KATNIP: variants seen among roughly 807,000 people sequenced by gnomAD.
The protein encoded by KATNIP is katanin-interacting protein.
KATNIP carries 126 observed loss-of-function variants against 174.0 expected under a neutral mutation model. The ratio of observed to expected loss-of-function variants is 0.72; its 90% confidence interval spans 0.63 to 0.84. KATNIP has a LOEUF of 0.84. Ranked by LOEUF, KATNIP falls within the 40% of genes least tolerant of loss-of-function variation. The pLI, the probability that KATNIP is intolerant of heterozygous loss-of-function variation, is 0.00. For missense variants in KATNIP, 1,958 were observed against 2,109.7 expected, an observed-to-expected ratio of 0.93 and a Z score of 1.41; for synonymous variants, 810 against 835.7, an observed-to-expected ratio of 0.97 and a Z score of 0.53.
Position 27,593,912 on chromosome 16 carries a change from C to T in KATNIP, c.63+19956C>T, listed in dbSNP as rs555983974. On this transcript the variant is annotated intron_variant, in intron 2 of 27. Coordinates refer to ENST00000261588, the MANE Select transcript of KATNIP (RefSeq NM_015202.5). ...GCCTATGGTTAGTGGTGGGGTCACA[C>T]TGTCCCAATATGGCATCCAGGAATC... Among the ~76,000 whole-genome samples the T allele has an allele frequency of 5.3e-5, 8 of 152,262 alleles. No homozygotes were observed. In the South Asian group the frequency reaches 1.7e-3, roughly 32 times the overall value.
chr16:27,653,603 T>C (rs148267002), intron 6 of KATNIP, among the ~76,000 whole-genome samples: 2 of 152,132 alleles, frequency 1.3e-5, no homozygotes, highest in African/African-American at 4.8e-5. Context: ...ACATTTTTAA[T>C]GGTTATTTTC....
At chr16:27,721,491 C>T (rs2080240047) in intron 13 of KATNIP, 67 bp from the exon 14 acceptor site, 1 of 1,595,174 alleles carries the variant, frequency 6.3e-7, no homozygotes, top group African/African-American at 1.3e-5. Context: ...CAAAGAGCCG[C>T]TGCCATTTTA....
chr16:27,678,442 T>C (rs529356833), intron 7 of KATNIP, among the ~76,000 whole-genome samples: 2 of 152,198 alleles, frequency 1.3e-5, no homozygotes, highest in Non-Finnish European at 2.9e-5. Flanking sequence ...CCTTCTGGCC[T>C]CTTCCCTCTG....
At chr16:27,758,215 A>G (rs1412934553) in intron 18 of KATNIP, among the ~76,000 whole-genome samples, 1 of 152,150 alleles carries the variant, frequency 6.6e-6, no homozygotes, top group Admixed American at 6.5e-5. Context: ...ACTGATCTCC[A>G]TCATCCAAAT....
chr16:27,699,511 A>C, intron 9 of KATNIP, 23 bp from the exon 10 acceptor site: 2 of 1,613,874 alleles, frequency 1.2e-6, no homozygotes, highest in Non-Finnish European at 1.7e-6. Flanking sequence ...CCAACATCAC[A>C]TCATGTGATC....
chr16:27,721,574 C>A lies in KATNIP; in HGVS notation c.1622C>A (p.Ser541Tyr), dbSNP rs2080244754. The change falls in exon 14 of 28, where the codon TCC becomes TAC. Residue 541 changes from serine (S) to tyrosine (Y), a missense_variant. By Grantham distance (144) the Ser-to-Tyr change is moderately radical (BLOSUM62 -2). This residue lies in a region of KATNIP where 1,557 missense variants were observed against 1,617.8 expected (regional missense o/e 0.96). Coordinates refer to ENST00000261588, the MANE Select transcript of KATNIP (RefSeq NM_015202.5). Reference sequence around the variant, plus strand: ...GCCTTCTAGGGCAAGAAAGACTCCTCCCCGTGGACCTGCCCCTTCCACCCA... The same window carrying A: ...GCCTTCTAGGGCAAGAAAGACTCCTACCCGTGGACCTGCCCCTTCCACCCA... ...NRNLAGKKDS[S>Y]PWTCPFHPPL... 6.2e-7 allele frequency: 1 copy of A among 1,614,018 alleles called. No homozygotes were observed. Among genetic ancestry groups the A allele is most frequent in the African/African-American group, 1.3e-5 (1 of 74,926 alleles).
In KATNIP at chr16:27,750,251, C is replaced by T. The variant is rs149188310; in HGVS notation, c.3291C>T (p.Asp1097=). ...RGVKDITMLL[D]TQCIFEGEIA... ...TGAAGGACATCACAATGCTGTTAGA[C>T]ACCCAGTGCATCTTTGAAGGAGAAA... The change falls in exon 16 of 28, where the codon GAC becomes GAT. Residue 1097 remains aspartate, a synonymous_variant. Transcript: ENST00000261588. 2 of 1,613,940 alleles carry T rather than the reference C, an allele frequency of 1.2e-6. No individual in the cohort carries two copies. The highest frequency in any genetic ancestry group is 1.7e-6 in the Non-Finnish European group (2 of 1,179,970).
intron 7 of KATNIP, 66 bp from the exon 8 acceptor site, chr16:27,681,333 T>C (rs1370778178): frequency 2.5e-6 from 4 of 1,588,388 alleles, no homozygotes; most frequent in Admixed American, 3.3e-5. Context: ...GATGAACAAA[T>C]GCCTGAACAG....
chr16:27,754,033 C>T (rs2081617328), intron 17 of KATNIP, 140 bp from the exon 18 acceptor site: 4 of 710,924 alleles, frequency 5.6e-6, no homozygotes, highest in Non-Finnish European at 7.4e-6. Context: ...TCCACAAAGG[C>T]AGAAAAATCC....
In KATNIP at chr16:27,721,239, C is replaced by T. The variant is rs377382766; in HGVS notation, c.1606-319C>T. Reference sequence around the variant, plus strand: ...CTCTAGCGTCTTTCCCCTCCCCCAGCGCTCTCCTCAAAGCCGATTAAGTTG... The same window carrying T: ...CTCTAGCGTCTTTCCCCTCCCCCAGTGCTCTCCTCAAAGCCGATTAAGTTG... On this transcript the variant is annotated intron_variant, in intron 13 of 27. Transcript: ENST00000261588. Among the ~76,000 whole-genome samples the T allele has an allele frequency of 1.8e-4, 27 of 152,312 alleles. No homozygotes were observed. The East Asian group carries it at 4.8e-3, about 27-fold the overall frequency.
At chr16:27,664,187 G>GCTAT (rs1265345245) in intron 6 of KATNIP, among the ~76,000 whole-genome samples, 2 of 151,962 alleles carry the variant, frequency 1.3e-5, no homozygotes, top group East Asian at 3.9e-4. Context: ...TTGTATTTTT[G>GCTAT]CTATCGTTTT....
chr16:27,773,268 G>C, intron 23 of KATNIP, 59 bp downstream of exon 23: 1 of 1,203,630 alleles, frequency 8.3e-7, no homozygotes, highest in African/African-American at 1.5e-5. Flanking sequence ...TGGGAGGGTC[G>C]GGAACGGGGC....
At chr16:27,704,183 G>A (rs1326987559) in intron 12 of KATNIP, among the ~76,000 whole-genome samples, 185 bp downstream of exon 12, 1 of 151,610 alleles carries the variant, frequency 6.6e-6, no homozygotes, top group East Asian at 1.9e-4. Flanking sequence ...GAGAAAGGAA[G>A]ATGTAGGCCA....
chr16:27,682,325 G>T (rs1030453558), intron 8 of KATNIP, among the ~76,000 whole-genome samples: 1 of 152,210 alleles, frequency 6.6e-6, no homozygotes, highest in Non-Finnish European at 1.5e-5. Flanking sequence ...CTTTAAGGTA[G>T]GTTCTGCAAT....
At chr16:27,723,049 T>C (rs372772058) in intron 14 of KATNIP, among the ~76,000 whole-genome samples, 5 of 152,110 alleles carry the variant, frequency 3.3e-5, no homozygotes, top group Non-Finnish European at 7.4e-5. Context: ...CAAAGGACAA[T>C]GGCAGTCAGC....
At chr16:27,687,841 C>G (rs1037386358) in intron 8 of KATNIP, among the ~76,000 whole-genome samples, 5 of 152,194 alleles carry the variant, frequency 3.3e-5, no homozygotes, top group Non-Finnish European at 1.5e-5. Flanking sequence ...ACTTAGTGTT[C>G]CTGTCAGGAA....
At chr16:27,567,849 A>G (rs1390040000) in intron 1 of KATNIP, among the ~76,000 whole-genome samples, 2 of 152,132 alleles carry the variant, frequency 1.3e-5, no homozygotes, top group East Asian at 1.9e-4. Flanking sequence ...TTGTAATCCC[A>G]GCTACTCAGG....
intron 6 of KATNIP, chr16:27,660,077 T>A: frequency 1.2e-5 from 11 of 901,912 alleles, no homozygotes; most frequent in Non-Finnish European, 1.3e-5. Flanking sequence ...TCCGCAAGCC[T>A]GGGAAGGTAG....
At chr16:27,699,742 C>T (rs1597211011) in intron 10 of KATNIP, 143 bp downstream of exon 10, 1 of 1,060,380 alleles carries the variant, frequency 9.4e-7, no homozygotes, top group Non-Finnish European at 1.4e-6. Flanking sequence ...CACTGTCCTA[C>T]CAGGTCCTCA....
Sources: allele counts gnomAD v4.1 joint callset (sites outside exome capture counted in the v4.1 genomes callset), GRCh38; gene constraint gnomAD v4.1.1; regional missense constraint gnomAD v4.1.1; transcripts MANE v1.5; gene names NCBI Gene and HGNC (gene_info 2026-07-23, HGNC 2026-07-21).